PACSIN3: variants seen among roughly 807,000 people sequenced by gnomAD.
PACSIN3 encodes the protein protein kinase C and casein kinase substrate in neurons 3.
A neutral mutation model predicts 56.1 loss-of-function variants in PACSIN3; 34 were observed. The ratio of observed to expected loss-of-function variants is 0.61; its 90% CI spans 0.46 to 0.81. The LOEUF (loss-of-function observed/expected upper bound fraction) is 0.81, where lower values mean the gene tolerates loss of function less well. Ranked by LOEUF, PACSIN3 falls within the 30% of genes least tolerant of loss-of-function variation. The pLI is 0.00. For synonymous variants in PACSIN3, 218 were observed against 229.8 expected (o/e 0.95, Z 0.46); for missense variants, 535 against 592.4 (o/e 0.90, Z 1.01).
chr11:47,184,354 C>T (rs1000863849), intron 1 of PACSIN3: 6 of 152,392 alleles, frequency 3.9e-5, no homozygotes, highest in Admixed American at 3.3e-4. Context: ...AGTCACTTCC[C>T]CTGTTTCTCT....
At position 47,182,400 on chromosome 11, in the gene PACSIN3, C is replaced by T. The variant is rs374744200; in HGVS notation, c.211+3G>A. On this transcript the variant is annotated splice_donor_region_variant and intron_variant, in intron 4 of 10. Coordinates refer to ENST00000298838, the MANE Select transcript of PACSIN3 (RefSeq NM_016223.5). ...CTCTGCCCCCTGCGAGGGCCTGGCTCACCCTTCTCCACGGTCCCCCTCCAC... is the reference window on the plus strand; with the variant it reads ...CTCTGCCCCCTGCGAGGGCCTGGCTTACCCTTCTCCACGGTCCCCCTCCAC... 5.6e-5 allele frequency: 89 copies of T among 1,593,856 alleles called. No individual in the cohort carries two copies. The highest frequency in any genetic ancestry group is 1.6e-4 in the Middle Eastern group (1 of 6,062).
rs369552036 is a variant in PACSIN3, at chr11:47,180,251, C to T, written c.538G>A (p.Val180Ile). Residue 180 changes from valine (V) to isoleucine (I), a missense_variant, in exon 6 of 11, where the codon GTC (valine) becomes ATC (isoleucine). Coordinates refer to ENST00000298838, the MANE Select transcript of PACSIN3 (RefSeq NM_016223.5). ...RESHAKADSA[V>I]SQEQLRKLQE... The stretch of plus-strand genomic sequence containing the variant: ...AGTTTGCGCAGCTGCTCCTGGGAGA[C>T]GGCGCTGTCTGCCTTTGCGTGGCTC... 26 of 1,603,686 alleles carry T rather than the reference C, an allele frequency of 1.6e-5. No individual in the cohort carries two copies. Among genetic ancestry groups the T allele is most frequent in the African/African-American group, 9.3e-5 (7 of 74,924 alleles).
chr11:47,182,620 T>C (rs190309139), intron 3 of PACSIN3, 54 bp downstream of exon 3: 1 of 1,603,224 alleles, frequency 6.2e-7, no homozygotes, highest in African/African-American at 1.3e-5. Context: ...GCTGGGGCTG[T>C]CAGATGGGCT....
Position 47,178,619 on chromosome 11 carries a change from C to G in PACSIN3, c.1038-132G>C, listed in dbSNP as rs771146576. On this transcript the variant is annotated intron_variant, in intron 9 of 10. Transcript: ENST00000298838. The surrounding 1 kb of genome is among the most constrained non-coding windows in gnomAD (Gnocchi z 4.2). ...AGAGTCAGGTGAGGTACTAAAGATT[C>G]TAGCTCTACCTCGCCATGCCCGACT... 246 of 1,205,212 alleles carry G rather than the reference C, an allele frequency of 2.0e-4. No individual in the cohort carries two copies. The highest frequency in any genetic ancestry group is 2.4e-4 in the Non-Finnish European group (208 of 876,906). 74.7% of individuals were successfully genotyped at this position (1,205,212 alleles called of 1,614,324 possible). A position where few individuals can be genotyped will look rare whatever the true frequency, so the allele number is the denominator to read the frequency against.
In PACSIN3 at chr11:47,177,740, C is replaced by T. The variant is rs1379455576; in HGVS notation, c.*191G>A. 3.3e-6 allele frequency: 2 copies of T among 611,666 alleles called. No individual in the cohort carries two copies. Among genetic ancestry groups the T allele is most frequent in the Non-Finnish European group, 2.9e-6 (1 of 346,492 alleles). 37.9% of individuals were successfully genotyped at this position (611,666 alleles called of 1,614,324 possible). On this transcript the variant is annotated 3_prime_UTR_variant, in exon 11 of 11. Transcript: ENST00000298838. Reference sequence around the variant, plus strand: ...CCTCCCATCTTGCCCTCAGCCTAGACTCGTCCCTTCCCTACCAGTCCCTTC... The same window carrying T: ...CCTCCCATCTTGCCCTCAGCCTAGATTCGTCCCTTCCCTACCAGTCCCTTC...
intron 6 of PACSIN3, 63 bp downstream of exon 6, chr11:47,180,123 G>T: frequency 6.8e-7 from 1 of 1,479,948 alleles, no homozygotes; most frequent in Non-Finnish European, 9.3e-7. Flanking sequence ...TGTTCAGGGA[G>T]CAAGATTCAT....
chr11:47,182,991 C>G lies in PACSIN3; in HGVS notation c.-38+13G>C. The G allele has an allele frequency of 2.4e-6, 1 of 415,894 alleles. No homozygotes were observed. Among genetic ancestry groups the G allele is most frequent in the Non-Finnish European group, 4.2e-6 (1 of 235,700 alleles). 25.8% of individuals were successfully genotyped at this position (415,894 alleles called of 1,614,324 possible). A position where few individuals can be genotyped will look rare whatever the true frequency, so the allele number is the denominator to read the frequency against. ...TCACTGCTCTGCACTTCCCCCCCCG[C>G]CCCCCCACATACCTGGGGCCTAGAG... On this transcript the variant is annotated intron_variant, in intron 2 of 10. Coordinates refer to ENST00000298838, the MANE Select transcript of PACSIN3 (RefSeq NM_016223.5).
In PACSIN3 at chr11:47,182,576, A is replaced by G; in HGVS notation, c.55-17T>C. 1 of 1,606,398 alleles carries G rather than the reference A, an allele frequency of 6.2e-7. No homozygotes were observed. On this transcript the variant is annotated splice_polypyrimidine_tract_variant and intron_variant, in intron 3 of 10. Coordinates refer to ENST00000298838, the MANE Select transcript of PACSIN3 (RefSeq NM_016223.5). ...GTTGCCAGCCTGGGCATACAGGAAA[A>G]GGGTGCCATCACCAGGGAGAAGCTT...
In PACSIN3 at chr11:47,178,872, C is replaced by T. The variant is rs201034703; in HGVS notation, c.1037+22G>A. On this transcript the variant is annotated intron_variant, in intron 9 of 10. Transcript: ENST00000298838. This position sits in a 1 kb window ranked among gnomAD's most constrained non-coding sequence, Gnocchi z 4.2. ...GGGAGGCAGAGCTGTTTCTTTGCCA[C>T]AGCCGCGCTCCTGGCTCTCACCCTG... 27 of 1,613,134 alleles carry T rather than the reference C, an allele frequency of 1.7e-5. No homozygotes were observed. In the East Asian group the frequency reaches 5.8e-4, roughly 35 times the overall value.
At chr11:47,180,799 AAAGGTG>A in intron 4 of PACSIN3, 109 bp from the exon 5 acceptor site, 1 of 793,194 alleles carries the variant, frequency 1.3e-6, no homozygotes, top group South Asian at 1.8e-5. Flanking sequence ...CATGGGGTGC[AAAGGTG>A]AATGACAACC....
intron 1 of PACSIN3, among the ~76,000 whole-genome samples, chr11:47,183,954 G>A (rs1285737304): frequency 2.6e-5 from 4 of 152,046 alleles, no homozygotes; most frequent in Admixed American, 6.6e-5. Context: ...CCTAGGAGGC[G>A]GAGGAGGTTG....
Position 47,179,447 on chromosome 11 carries a change from G to T in PACSIN3, c.743C>A (p.Thr248Asn). ...GGAAAGGTCCAGGTGCTGGTGTAAG[G>T]TGAGCAGCATATCCTTGAAGAAAAG... is the stretch of plus-strand genomic sequence containing the variant. ...RLLFFKDMLL[T>N]LHQHLDLSSS... is the part of the protein sequence containing the mutation. The change falls in exon 7 of 11, where the codon ACC becomes AAC. Residue 248 changes from threonine (T) to asparagine (N), a missense_variant. By Grantham distance (65) the Thr-to-Asn change is moderately conservative (BLOSUM62 0). Transcript: ENST00000298838. The surrounding 1 kb of genome is among the most constrained non-coding windows in gnomAD (Gnocchi z 4.4). 1 of 1,614,088 alleles carries T rather than the reference G, an allele frequency of 6.2e-7. No homozygotes were observed. Among genetic ancestry groups the T allele is most frequent in the Non-Finnish European group, 8.5e-7 (1 of 1,180,044 alleles).
Position 47,180,296 on chromosome 11 carries a change from T to A in PACSIN3, c.493A>T (p.Lys165Ter). The A allele has an allele frequency of 6.2e-7, 1 of 1,603,010 alleles. No individual in the cohort carries two copies. Among genetic ancestry groups the A allele is most frequent in the Non-Finnish European group, 8.5e-7 (1 of 1,179,962 alleles). ...TGGCTCTCCCTCGTCTGGGCGGTCT[T>A]CTCATCCTTCCGGGCTGCGTGGTAG... ...KSYHAARKDE[K>*]TAQTRESHAK... Residue 165 changes from lysine (K) to a stop codon, truncating the protein, a stop_gained, in exon 6 of 11, where the codon AAG becomes TAG. Transcript: ENST00000298838. LOFTEE classifies it high-confidence loss of function.
chr11:47,185,111 G>A (rs780905376), intron 1 of PACSIN3, among the ~76,000 whole-genome samples: 3 of 152,246 alleles, frequency 2.0e-5, no homozygotes, highest in African/African-American at 2.4e-5. Flanking sequence ...CCCCACCGCA[G>A]GCAAGAGCTC....
Position 47,179,310 on chromosome 11 carries a change from G to A in PACSIN3, c.780-31C>T, listed in dbSNP as rs1203769907. ...ACCCAAGGCACACCCCTCAGTCTAG[G>A]AAGTCTAGACCCTGCATCCCTCAGT... On this transcript the variant is annotated intron_variant, in intron 7 of 10. Transcript: ENST00000298838. The surrounding 1 kb of genome is among the most constrained non-coding windows in gnomAD (Gnocchi z 4.4). 2 of 1,614,020 alleles carry A rather than the reference G, an allele frequency of 1.2e-6. No individual in the cohort carries two copies. Among genetic ancestry groups the A allele is most frequent in the South Asian group, 2.2e-5 (2 of 91,082 alleles).
At position 47,178,835 on chromosome 11, in the gene PACSIN3, G is replaced by A; in HGVS notation, c.1037+59C>T. 1 of 1,598,936 alleles carries A rather than the reference G, an allele frequency of 6.3e-7. No individual in the cohort carries two copies. Among genetic ancestry groups the A allele is most frequent in the Non-Finnish European group, 8.5e-7 (1 of 1,171,736 alleles). ...TGAAAGAAATGAAACCAAGGAGAAA[G>A]GAAAGGAGGGCGGGAGGCAGAGCTG... On this transcript the variant is annotated intron_variant, in intron 9 of 10. Coordinates refer to ENST00000298838, the MANE Select transcript of PACSIN3 (RefSeq NM_016223.5). This position sits in a 1 kb window ranked among gnomAD's most constrained non-coding sequence, Gnocchi z 4.2.
intron 1 of PACSIN3, among the ~76,000 whole-genome samples, chr11:47,185,101 C>T (rs1953093975): frequency 6.6e-6 from 1 of 152,250 alleles, no homozygotes; most frequent in Non-Finnish European, 1.5e-5. Context: ...CCAAATCAGT[C>T]CCCACCGCAG....
rs549098856 is a variant in PACSIN3, at chr11:47,180,559, G to A, written c.343C>T (p.Arg115Trp). The A allele has an allele frequency of 1.2e-5, 19 of 1,603,708 alleles. No homozygotes were observed. Among genetic ancestry groups the A allele is most frequent in the Middle Eastern group, 1.7e-4 (1 of 6,060 alleles). The change falls in exon 5 of 11, where the codon CGG becomes TGG. Residue 115 changes from arginine to tryptophan, a missense_variant. Arg to Trp is a moderately radical substitution (Grantham distance 101). Transcript: ENST00000298838. Reference protein sequence around the residue: ...QDSERVRAWQRGAFHRPVLGG... With the variant: ...QDSERVRAWQWGAFHRPVLGG... ...AGCACAGGCCGGTGGAAAGCCCCCC[G>A]CTGCCAGGCGCGCACCCGCTCACTG...
chr11:47,180,077 G>A, intron 6 of PACSIN3, 109 bp downstream of exon 6: 2 of 983,616 alleles, frequency 2.0e-6, no homozygotes, highest in Admixed American at 2.1e-5. Flanking sequence ...GGCAGGTGAG[G>A]AATAGGGTAA....
Sources: gnomAD v4.1 joint callset for allele counts (sites outside exome capture counted in the v4.1 genomes callset) on GRCh38, gnomAD v4.1.1 for gene constraint, Gnocchi (gnomAD v3.1) non-coding constraint, MANE v1.5 for transcripts, NCBI Gene and HGNC (gene_info 2026-07-23, HGNC 2026-07-21) for gene names.